Variants in FAT3 observed in about 807,000 individuals in gnomAD.
The protein encoded by FAT3 is protocadherin Fat 3.
Under a neutral mutation model 310.2 loss-of-function variants are expected in FAT3, and 95 were observed. The observed-to-expected ratio is 0.31, with a 90% confidence interval of 0.26 to 0.36. The LOEUF is 0.36. FAT3 is among the 10% of genes least tolerant of loss of function. The probability of loss-of-function intolerance (pLI) is 1.00; values close to 1 mark genes in which losing one functional copy is unlikely to be tolerated. For synonymous variants in FAT3, 2,314 were observed against 2,192.9 expected, an observed-to-expected ratio of 1.06 and a Z score of -1.54; for missense variants, 5,408 against 5,715.6, an observed-to-expected ratio of 0.95 and a Z score of 1.74.
intron 2 of FAT3, among the ~76,000 whole-genome samples, chr11:92,484,641 T>A (rs897709557): frequency 8.5e-5 from 13 of 152,214 alleles, no homozygotes; most frequent in African/African-American, 2.9e-4. Flanking sequence ...TGTAAATTAC[T>A]GAAAAAAATC....
chr11:92,834,975 C>T lies in FAT3; in HGVS notation c.9977C>T (p.Thr3326Ile). The change falls in exon 15 of 28, where the codon ACT becomes ATT. Residue 3326 changes from threonine to isoleucine, a missense_variant. This residue lies in a region of FAT3 where 4,588 missense variants were observed against 4,809.8 expected (regional missense o/e 0.95). Transcript: ENST00000525166. ...ACCCCAGCTCTCAGCGCTGTGGCCA[C>T]TGTCAACATCAACCTCACAGATGTT... Reference protein sequence around the residue: ...GGTPALSAVATVNINLTDVND... With the variant: ...GGTPALSAVAIVNINLTDVND... 1 of 1,613,612 alleles carries T rather than the reference C, an allele frequency of 6.2e-7. No homozygotes were observed. The highest frequency in any genetic ancestry group is 1.1e-5 in the South Asian group (1 of 90,902).
At chr11:92,369,576 G>A (rs1366534290) in intron 2 of FAT3, among the ~76,000 whole-genome samples, 2 of 152,138 alleles carry the variant, frequency 1.3e-5, no homozygotes, top group East Asian at 1.9e-4. Context: ...TAAGAAATCT[G>A]CAAGGTCTTG....
In FAT3 at chr11:92,720,055, G is replaced by A. The variant is rs114814216; in HGVS notation, c.3669+22610G>A. Among the ~76,000 whole-genome samples, 1,112 of 152,170 alleles carry A rather than the reference G, an allele frequency of 7.3e-3. 15 individuals are homozygous for A. The highest frequency in any genetic ancestry group is 0.025 in the African/African-American group (1,050 of 41,494). Reference sequence around the variant, plus strand: ...CCTGGATTTTTTTCTATACCACAGGGGCAGGGGCTTGATTAACGTCATTTA... The same window carrying A: ...CCTGGATTTTTTTCTATACCACAGGAGCAGGGGCTTGATTAACGTCATTTA... On this transcript the variant is annotated intron_variant, in intron 4 of 27. Coordinates refer to ENST00000525166, the MANE Select transcript of FAT3 (RefSeq NM_001367949.2).
intron 1 of FAT3, among the ~76,000 whole-genome samples, chr11:92,278,668 CAAAAT>C (rs1379926022): frequency 6.6e-6 from 1 of 152,042 alleles, no homozygotes; most frequent in African/African-American, 2.4e-5. Context: ...AAGAACCTGT[CAAAAT>C]AAATAGAAGA....
intron 3 of FAT3, among the ~76,000 whole-genome samples, chr11:92,645,283 A>G (rs1942107883): frequency 6.6e-6 from 1 of 152,232 alleles, no homozygotes. Context: ...CCATAAATAC[A>G]AAAGACCATC....
chr11:92,672,055 G>T (rs754120841), intron 3 of FAT3, among the ~76,000 whole-genome samples: 5 of 152,120 alleles, frequency 3.3e-5, no homozygotes, highest in Non-Finnish European at 4.4e-5. Flanking sequence ...GGAGGCGGAG[G>T]TTGCATTGAG....
In FAT3 at chr11:92,834,716, G is replaced by A. The variant is rs115969481; in HGVS notation, c.9872-154G>A. Among the ~76,000 whole-genome samples the A allele has an allele frequency of 5.6e-3, 855 of 152,302 alleles. 9 individuals are homozygous for A. The highest frequency in any genetic ancestry group is 0.019 in the African/African-American group (789 of 41,562). On this transcript the variant is annotated intron_variant, in intron 14 of 27. Coordinates refer to ENST00000525166, the MANE Select transcript of FAT3 (RefSeq NM_001367949.2). The stretch of plus-strand genomic sequence containing the variant: ...CTCTCACTGACAGCATTAATCAGAC[G>A]TCTGTAATACTTTCAGTAAGGCATT...
intron 20 of FAT3, 76 bp from the exon 21 acceptor site, chr11:92,859,089 G>A: frequency 3.5e-6 from 5 of 1,418,810 alleles, no homozygotes; most frequent in Non-Finnish European, 3.8e-6. Flanking sequence ...GTTGGTGGTT[G>A]TTGGGTGATT....
At chr11:92,538,189 T>C (rs186534622) in intron 3 of FAT3, among the ~76,000 whole-genome samples, 40 of 152,268 alleles carry the variant, frequency 2.6e-4, no homozygotes, top group African/African-American at 7.5e-4. Flanking sequence ...TTCTATTAAG[T>C]GTATTATTCT....
chr11:92,490,159 C>A (rs1278209715), intron 2 of FAT3, among the ~76,000 whole-genome samples: 2 of 152,072 alleles, frequency 1.3e-5, no homozygotes, highest in East Asian at 3.9e-4. Context: ...AAAGAAATAG[C>A]TCTTTTTTAT....
intron 1 of FAT3, among the ~76,000 whole-genome samples, chr11:92,230,036 C>T (rs1006056174): frequency 6.6e-6 from 1 of 151,934 alleles, no homozygotes; most frequent in Non-Finnish European, 1.5e-5. Context: ...TGTTGCCTAC[C>T]GTGGGCGGAA....
intron 3 of FAT3, among the ~76,000 whole-genome samples, chr11:92,604,282 A>G (rs1269005743): frequency 6.6e-6 from 1 of 152,156 alleles, no homozygotes; most frequent in Admixed American, 6.5e-5. Context: ...CTGAGTAGAG[A>G]TTATTTTCTT....
chr11:92,857,656 T>C lies in FAT3; in HGVS notation c.11500+308T>C, dbSNP rs140936305. On this transcript the variant is annotated intron_variant, in intron 20 of 27. Coordinates refer to ENST00000525166, the MANE Select transcript of FAT3 (RefSeq NM_001367949.2). ...ATTGTGGAAAATAAAAGGCTGTTGGTTGGGCAGAGGAATCTGAGGATCTGT... is the reference window on the plus strand; with the variant it reads ...ATTGTGGAAAATAAAAGGCTGTTGGCTGGGCAGAGGAATCTGAGGATCTGT... Among the ~76,000 whole-genome samples the C allele has an allele frequency of 1.0e-3, 159 of 152,282 alleles. 2 individuals carry two copies. Among genetic ancestry groups the C allele is most frequent in the Non-Finnish European group, 1.6e-3 (110 of 68,012 alleles).
chr11:92,576,665 A>G (rs940725316), intron 3 of FAT3, among the ~76,000 whole-genome samples: 50 of 152,152 alleles, frequency 3.3e-4, no homozygotes, highest in African/African-American at 1.2e-3. Flanking sequence ...AAAGGTTCCA[A>G]TCAGTGGAGC....
At chr11:92,619,986 G>C (rs1777153183) in intron 3 of FAT3, among the ~76,000 whole-genome samples, 1 of 152,024 alleles carries the variant, frequency 6.6e-6, no homozygotes, top group African/African-American at 2.4e-5. Context: ...ATAGCTATCA[G>C]TTTTCCTCTA....
Position 92,536,116 on chromosome 11 carries a change from C to T in FAT3, c.3607+11168C>T, listed in dbSNP as rs531961426. Among the ~76,000 whole-genome samples, 6 of 152,174 alleles carry T rather than the reference C, an allele frequency of 3.9e-5. No individual in the cohort carries two copies. In the East Asian group the frequency reaches 1.2e-3, roughly 29 times the overall value. On this transcript the variant is annotated intron_variant, in intron 3 of 27. Coordinates refer to ENST00000525166, the MANE Select transcript of FAT3 (RefSeq NM_001367949.2). The stretch of plus-strand genomic sequence containing the variant: ...TTTGTCATCTTTGAGTGATTTTGTT[C>T]TTAGCTTCTTGACGTTCTTATAAAA...
intron 1 of FAT3, among the ~76,000 whole-genome samples, chr11:92,280,178 C>T (rs150196411): frequency 8.5e-5 from 13 of 152,168 alleles, no homozygotes; most frequent in African/African-American, 2.2e-4. Context: ...TGCTCAAGAA[C>T]GATCGAAGAC....
chr11:92,797,701 A>G (rs1947211732), intron 9 of FAT3, 135 bp from the exon 10 acceptor site: 1 of 729,360 alleles, frequency 1.4e-6, no homozygotes. Context: ...ATTTTATTTC[A>G]GAATGACACA....
intron 22 of FAT3, among the ~76,000 whole-genome samples, chr11:92,875,567 C>T (rs929182535): frequency 6.6e-6 from 1 of 151,774 alleles, no homozygotes. Context: ...GCTGGTAAAC[C>T]AGTTCTCTAA....
Sources: gnomAD v4.1 joint callset for allele counts (sites outside exome capture counted in the v4.1 genomes callset) on GRCh38, gnomAD v4.1.1 for gene constraint, gnomAD v4.1.1 regional missense constraint, MANE v1.5 for transcripts, NCBI Gene and HGNC (gene_info 2026-07-23, HGNC 2026-07-21) for gene names.